PTGDS: variants seen among roughly 807,000 people sequenced by gnomAD.
PTGDS encodes prostaglandin D2 synthase, also known as prostaglandin-H2 D-isomerase.
A neutral mutation model predicts 28.4 loss-of-function variants in PTGDS; 21 were observed. That is an observed-to-expected ratio of 0.74 (90% confidence interval 0.52 to 1.07). The LOEUF (loss-of-function observed/expected upper bound fraction) is 1.07. Among genes scored for constraint, PTGDS ranks in the 50% least tolerant of loss-of-function variants. The pLI, the probability that PTGDS is intolerant of heterozygous loss-of-function variation, is 0.00. For synonymous variants in PTGDS, 102 were observed against 106.0 expected (o/e 0.96, Z 0.23); for missense variants, 243 against 247.7 (o/e 0.98, Z 0.13).
At chr9:136,981,331 C>A (rs907309133) in intron 6 of PTGDS, among the ~76,000 whole-genome samples, 1 of 152,102 alleles carries the variant, frequency 6.6e-6, no homozygotes, top group Admixed American at 6.5e-5. Flanking sequence ...TCACCCACCA[C>A]CCCCAGGAGG....
At chr9:136,981,376 G>T (rs1246261489) in intron 6 of PTGDS, among the ~76,000 whole-genome samples, 3 of 152,104 alleles carry the variant, frequency 2.0e-5, no homozygotes, top group Admixed American at 6.5e-5. Context: ...TGTGGACCCT[G>T]GGGCTGGGAA....
In PTGDS at chr9:136,979,264, C is replaced by T. The variant is rs1408156338; in HGVS notation, c.296C>T (p.Ala99Val). 6.2e-7 allele frequency: 1 copy of T among 1,612,032 alleles called. No individual in the cohort carries two copies. The highest frequency in any genetic ancestry group is 1.3e-5 in the African/African-American group (1 of 74,892). ...ACCCGAACCATGCTGCTGCAGCCCG[C>T]GGGGTCCCTCGGCTCCTACAGCTAC... is the stretch of plus-strand genomic sequence containing the variant. ...CETRTMLLQP[A>V]GSLGSYSYRS... The change falls in exon 3 of 7, where the codon GCG becomes GTG. Residue 99 changes from alanine to valine, a missense_variant. Ala to Val is a moderately conservative substitution (Grantham distance 64). Transcript: ENST00000371625.
At chr9:136,978,641 T>C (rs1440570143) in intron 1 of PTGDS, among the ~76,000 whole-genome samples, 1 of 82,324 alleles carries the variant, frequency 1.2e-5, no homozygotes, top group Non-Finnish European at 2.3e-5. Flanking sequence ...AGTTCCCTGG[T>C]TGTGGACATG....
intron 3 of PTGDS, chr9:136,979,687 T>G: frequency 1.7e-6 from 1 of 602,610 alleles, no homozygotes; most frequent in Non-Finnish European, 2.9e-6. Context: ...TCACTTCCGG[T>G]TCTGGCAGCG....
At chr9:136,981,117 G>A (rs750975084) in intron 6 of PTGDS, 33 of 543,798 alleles carry the variant, frequency 6.1e-5, no homozygotes, top group South Asian at 1.7e-4. Flanking sequence ...TCATGGTTGG[G>A]GGGTGCAGGT....
At chr9:136,981,367 G>A (rs1374512923) in intron 6 of PTGDS, among the ~76,000 whole-genome samples, 1 of 152,102 alleles carries the variant, frequency 6.6e-6, no homozygotes. Flanking sequence ...GCTGGAGTCT[G>A]TGGACCCTGG....
intron 3 of PTGDS, chr9:136,979,706 G>A (rs968999826): frequency 9.8e-6 from 6 of 611,470 alleles, no homozygotes; most frequent in East Asian, 8.4e-5. Flanking sequence ...CGACTTCTGC[G>A]GCTGCACCAG....
chr9:136,979,807 A>G, intron 3 of PTGDS, 139 bp from the exon 4 acceptor site: 1 of 821,332 alleles, frequency 1.2e-6, no homozygotes. Context: ...CACTGGCTGG[A>G]GAGCAGCCGG....
At chr9:136,980,640 T>A in intron 5 of PTGDS, 193 bp from the exon 6 acceptor site, 4 of 1,543,328 alleles carry the variant, frequency 2.6e-6, no homozygotes, top group Non-Finnish European at 3.5e-6. Flanking sequence ...GACAGCCTGC[T>A]CTTGGCAGAG....
intron 2 of PTGDS, 32 bp from the exon 3 acceptor site, chr9:136,979,191 T>A (rs376262221): frequency 6.2e-7 from 1 of 1,613,110 alleles, no homozygotes; most frequent in Non-Finnish European, 8.5e-7. Flanking sequence ...CCCTCGGGCC[T>A]AACCCCTGAC....
At chr9:136,981,003 C>T in intron 6 of PTGDS, 148 bp downstream of exon 6, 1 of 1,219,844 alleles carries the variant, frequency 8.2e-7, no homozygotes, top group Non-Finnish European at 1.1e-6. Context: ...CAGTCCAGGG[C>T]CGGGCGGGAG....
In PTGDS at chr9:136,978,826, G is replaced by T; in HGVS notation, c.115-167G>T. ...CTGGGGCGGGGATTGAGGGGCGGGG[G>T]TCAGTTCCTGGGGCGGGGCGTGAGG... On this transcript the variant is annotated intron_variant, in intron 1 of 6. Transcript: ENST00000371625. 4 of 912,760 alleles carry T rather than the reference G, an allele frequency of 4.4e-6. No homozygotes were observed. The South Asian group carries it at 6.3e-5, about 14-fold the overall frequency. The allele number at this position is 912,760 out of a possible 1,614,324, so 56.5% of individuals were successfully genotyped here.
At chr9:136,981,076 A>C in intron 6 of PTGDS, 1 of 659,214 alleles carries the variant, frequency 1.5e-6, no homozygotes, top group East Asian at 2.9e-5. Flanking sequence ...AACCTGTCCC[A>C]GTGGCTGGAA....
chr9:136,981,260 GA>G (rs1407424982), intron 6 of PTGDS, among the ~76,000 whole-genome samples: 1 of 152,154 alleles, frequency 6.6e-6, no homozygotes, highest in African/African-American at 2.4e-5. Flanking sequence ...GATGGAAGGG[GA>G]GGGCCAAGGA....
Position 136,979,994 on chromosome 9 carries a change from A to T in PTGDS, c.380A>T (p.Gln127Leu). 2 of 1,613,186 alleles carry T rather than the reference A, an allele frequency of 1.2e-6. No individual in the cohort carries two copies. Among genetic ancestry groups the T allele is most frequent in the Non-Finnish European group, 1.7e-6 (2 of 1,179,930 alleles). ...TCAGTGGTGGAGACCGACTACGACC[A>T]GTACGCGCTGCTGTACAGCCAGGGC... The part of the protein sequence containing the change: ...SVSVVETDYD[Q>L]YALLYSQGSK... The change falls in exon 4 of 7, where the codon CAG becomes CTG. Residue 127 changes from glutamine (Q) to leucine (L), a missense_variant. Transcript: ENST00000371625.
intron 1 of PTGDS, among the ~76,000 whole-genome samples, chr9:136,978,319 C>A (rs966495842): frequency 3.3e-5 from 5 of 151,894 alleles, no homozygotes; most frequent in African/African-American, 1.2e-4. Context: ...GAATCGGGAC[C>A]GGGGGCGGAG....
intron 1 of PTGDS, 102 bp downstream of exon 1, chr9:136,977,794 CGCAGTGCCGG>C (rs1830388861): frequency 2.6e-6 from 3 of 1,145,498 alleles, no homozygotes; most frequent in African/African-American, 3.2e-5. Flanking sequence ...AGCGAAGTCC[CGCAGTGCCGG>C]GCAGTGCCGG....
chr9:136,980,574 A>G, intron 5 of PTGDS: 1 of 1,295,778 alleles, frequency 7.7e-7, no homozygotes, highest in Admixed American at 2.5e-5. Flanking sequence ...GAGGGTGCCC[A>G]TGGGGGATAC....
Position 136,977,533 on chromosome 9 carries a change from C to A in PTGDS, c.-46C>A. On this transcript the variant is annotated 5_prime_UTR_variant, in exon 1 of 7. Transcript: ENST00000371625. ...CTCCTGCACACCTCCCTCGCTCTCC[C>A]ACACCACTGGCACCAGGCCCCGGAC... is the stretch of plus-strand genomic sequence containing the variant. The A allele has an allele frequency of 7.0e-7, 1 of 1,433,352 alleles. No individual in the cohort carries two copies. The highest frequency in any genetic ancestry group is 1.2e-5 in the South Asian group (1 of 80,660). The allele number at this position is 1,433,352 out of a possible 1,614,324, so 88.8% of individuals were successfully genotyped here.
Sources: allele counts gnomAD v4.1 joint callset (sites outside exome capture counted in the v4.1 genomes callset), GRCh38; gene constraint gnomAD v4.1.1; transcripts MANE v1.5; gene names NCBI Gene and HGNC (gene_info 2026-07-23, HGNC 2026-07-21).